The following TANC2 variants were observed in gnomAD, a reference collection of about 807,000 sequenced individuals.
The protein encoded by TANC2 is protein TANC2.
In TANC2, 26 loss-of-function variants were observed where a neutral mutation model predicts 210.5. That is an observed-to-expected ratio of 0.12 (90% CI 0.09 to 0.17). The LOEUF is 0.17. Among genes scored for constraint, TANC2 ranks in the 10% least tolerant of loss-of-function variants. The pLI is 1.00. For missense variants in TANC2, 2,129 were observed against 2,608.9 expected, an observed-to-expected ratio of 0.82 and a Z score of 4.01; for synonymous variants, 931 against 967.1, an observed-to-expected ratio of 0.96 and a Z score of 0.69.
intron 13 of TANC2, among the ~76,000 whole-genome samples, chr17:63,351,988 C>T (rs2046625110): frequency 6.6e-6 from 1 of 152,028 alleles, no homozygotes; most frequent in Admixed American, 6.6e-5. Context: ...CCTTCTCACT[C>T]ACTGGTCACT....
At chr17:63,194,175 G>A in intron 6 of TANC2, 36 bp downstream of exon 6, 3 of 1,592,602 alleles carry the variant, frequency 1.9e-6, no homozygotes, top group East Asian at 2.3e-5. Flanking sequence ...GAAACATGGT[G>A]TGAATCAGCT....
intron 2 of TANC2, among the ~76,000 whole-genome samples, chr17:63,011,716 T>C (rs1237253624): frequency 6.6e-6 from 1 of 152,138 alleles, no homozygotes; most frequent in African/African-American, 2.4e-5. Context: ...AAAGTTCATT[T>C]TTTTCTCATA....
chr17:62,984,974 T>C (rs1199607274), intron 1 of TANC2, among the ~76,000 whole-genome samples: 1 of 152,228 alleles, frequency 6.6e-6, no homozygotes, highest in East Asian at 1.9e-4. Flanking sequence ...CCATTTGGTC[T>C]GTGGTGTAGT....
chr17:63,005,481 CA>C (rs34681292), intron 1 of TANC2, among the ~76,000 whole-genome samples: 20 of 146,142 alleles, frequency 1.4e-4, no homozygotes, highest in South Asian at 6.4e-4. Context: ...TAAAAAATAA[CA>C]AAAAAAAAAG....
Position 63,153,199 on chromosome 17 carries a change from A to T in TANC2, c.433+1819A>T, listed in dbSNP as rs187915973. The stretch of plus-strand genomic sequence containing the variant: ...AATGAATTGATGAGTATACTCACAA[A>T]CCAAAAAGATTTTGCATTTTTTCAT... On this transcript the variant is annotated intron_variant, in intron 5 of 27. Coordinates refer to ENST00000689528, the Ensembl canonical transcript of TANC2. The T allele has an allele frequency of 1.6e-4, 24 of 152,300 alleles. No individual in the cohort carries two copies. The East Asian group carries it at 4.6e-3, about 29-fold the overall frequency. 9.4% of individuals were successfully genotyped at this position (152,300 alleles called of 1,614,324 possible).
rs528971094 is a variant in TANC2, at chr17:63,195,875, A to G, written c.582+1736A>G. Among the ~76,000 whole-genome samples the G allele has an allele frequency of 9.9e-5, 15 of 152,160 alleles. No homozygotes were observed. In the South Asian group the frequency reaches 2.7e-3, roughly 27 times the overall value. On this transcript the variant is annotated intron_variant, in intron 6 of 27. Coordinates refer to ENST00000689528, the Ensembl canonical transcript of TANC2. ...GATCTAGCCACTTGCTACCTCTCCT[A>G]CATCACTTCCTACCCCTCTCCCTTT...
chr17:63,253,177 T>C (rs995554745), intron 8 of TANC2, among the ~76,000 whole-genome samples: 16 of 152,200 alleles, frequency 1.1e-4, no homozygotes, highest in African/African-American at 3.6e-4. Flanking sequence ...GCTGAAGTTT[T>C]GATTTGCATT....
At chr17:63,038,120 A>T (rs1028933192) in intron 2 of TANC2, among the ~76,000 whole-genome samples, 2 of 152,124 alleles carry the variant, frequency 1.3e-5, no homozygotes, top group African/African-American at 2.4e-5. Context: ...CTGGGGGGAA[A>T]CATTGCTTTT....
At chr17:62,974,611 G>T (rs56300715) in intron 1 of TANC2, among the ~76,000 whole-genome samples, 37,042 of 151,812 alleles carry the variant, frequency 0.24, 4,874 homozygotes, top group South Asian at 0.35. Flanking sequence ...TTTGACTTGG[G>T]GATGGAAATT....
At chr17:63,327,501 A>T (rs1016987158) in intron 11 of TANC2, among the ~76,000 whole-genome samples, 9 of 152,208 alleles carry the variant, frequency 5.9e-5, no homozygotes, top group African/African-American at 1.7e-4. Context: ...TTATTTTTTT[A>T]AAAAAGCAGT....
intron 14 of TANC2, among the ~76,000 whole-genome samples, chr17:63,374,484 C>T (rs1056542494): frequency 1.3e-5 from 2 of 152,002 alleles, no homozygotes; most frequent in Non-Finnish European, 2.9e-5. Flanking sequence ...AGAAGAGTGC[C>T]CTGCAGTGGG....
intron 7 of TANC2, among the ~76,000 whole-genome samples, chr17:63,206,687 T>C (rs1437347760): frequency 6.6e-6 from 1 of 152,072 alleles, no homozygotes; most frequent in Non-Finnish European, 1.5e-5. Context: ...TAGAGAGTAC[T>C]GAGTGGGGCT....
At chr17:63,270,068 C>T (rs1518778) in intron 9 of TANC2, among the ~76,000 whole-genome samples, 10,592 of 152,064 alleles carry the variant, frequency 0.07, 1,163 homozygotes, top group African/African-American at 0.23. Context: ...GCAGTCTAAA[C>T]GGTTAGAACA....
chr17:63,153,277 A>T (rs1403199983), intron 5 of TANC2: 2 of 152,174 alleles, frequency 1.3e-5, no homozygotes, highest in African/African-American at 2.4e-5. Context: ...AATTTCTTTC[A>T]CATAGGATAT....
chr17:63,153,816 CTT>C (rs1396156683), intron 5 of TANC2: 1 of 152,056 alleles, frequency 6.6e-6, no homozygotes, highest in Non-Finnish European at 1.5e-5. Flanking sequence ...GAGAAATAGA[CTT>C]ATATATTTTT....
At chr17:63,177,282 AAC>A (rs1567788897) in intron 5 of TANC2, among the ~76,000 whole-genome samples, 3 of 151,364 alleles carry the variant, frequency 2.0e-5, no homozygotes, top group East Asian at 1.9e-4. Flanking sequence ...AAAAAAAAAA[AAC>A]ACAAAATTTA....
At chr17:63,240,547 T>G (rs1443157020) in intron 8 of TANC2, among the ~76,000 whole-genome samples, 1 of 152,190 alleles carries the variant, frequency 6.6e-6, no homozygotes, top group African/African-American at 2.4e-5. Flanking sequence ...CCAGAACTGT[T>G]GTACTTCCCT....
intron 7 of TANC2, among the ~76,000 whole-genome samples, chr17:63,211,983 A>G (rs1425397740): frequency 1.3e-5 from 2 of 151,782 alleles, no homozygotes; most frequent in East Asian, 3.9e-4. Flanking sequence ...GCACCCATTA[A>G]CTCGTCATCT....
intron 3 of TANC2, among the ~76,000 whole-genome samples, chr17:63,098,466 A>G (rs1445550617): frequency 5.2e-5 from 2 of 38,236 alleles, no homozygotes; most frequent in Non-Finnish European, 1.1e-4. Flanking sequence ...ACACACACAC[A>G]CACACACACA....
Sources: gnomAD v4.1 joint callset for allele counts (sites outside exome capture counted in the v4.1 genomes callset) on GRCh38, gnomAD v4.1.1 for gene constraint, MANE v1.5 for transcripts, NCBI Gene and HGNC (gene_info 2026-07-23, HGNC 2026-07-21) for gene names.